CSNK2A2IP: variants seen among roughly 807,000 people sequenced by gnomAD.
CSNK2A2IP encodes the protein casein kinase II subunit alpha'-interacting protein.
At chr3:88,464,735 C>T in the CSNK2A2IP span, among the ~76,000 whole-genome samples, 3 of 151,998 alleles carry the variant, frequency 2.0e-5, no homozygotes, top group Admixed American at 2.0e-4. Context: ...AAACTTATCA[C>T]AGATTTTTGT....
the CSNK2A2IP span, among the ~76,000 whole-genome samples, chr3:88,393,174 G>C: frequency 1.3e-5 from 2 of 152,180 alleles, no homozygotes; most frequent in African/African-American, 4.8e-5. Context: ...GCAGGTAAGA[G>C]AAGGTTTGAT....
At chr3:88,431,043 A>G in the CSNK2A2IP span, 1 of 152,354 alleles carries the variant, frequency 6.6e-6, no homozygotes, top group East Asian at 1.9e-4. Context: ...GATGCATTCT[A>G]CTAAAGCAAC....
chr3:88,392,091 C>A, the CSNK2A2IP span, among the ~76,000 whole-genome samples: 1 of 152,102 alleles, frequency 6.6e-6, no homozygotes, highest in Non-Finnish European at 1.5e-5. Context: ...GAGTGAAAAC[C>A]AGGGAATAGC....
the CSNK2A2IP span, chr3:88,466,418 A>G: frequency 8.1e-7 from 1 of 1,231,986 alleles, no homozygotes; most frequent in Non-Finnish European, 1.0e-6. Context: ...AATGGCAAAC[A>G]CAGAGTCACA....
At chr3:88,395,094 T>C in the CSNK2A2IP span, among the ~76,000 whole-genome samples, 7 of 152,232 alleles carry the variant, frequency 4.6e-5, no homozygotes, top group Non-Finnish European at 1.0e-4. Flanking sequence ...CATGTGTGTT[T>C]AAGTATACAC....
At chr3:88,463,255 T>TG in the CSNK2A2IP span, among the ~76,000 whole-genome samples, 2 of 150,760 alleles carry the variant, frequency 1.3e-5, no homozygotes, top group Admixed American at 1.3e-4. Flanking sequence ...TCACTTTAGT[T>TG]TTTTTTTTTT....
the CSNK2A2IP span, among the ~76,000 whole-genome samples, chr3:88,386,162 T>C: frequency 4.6e-5 from 7 of 152,192 alleles, no homozygotes; most frequent in African/African-American, 1.7e-4. Flanking sequence ...TTCACTCTTA[T>C]TGCCCAGGCT....
chr3:88,378,371 C>T, the CSNK2A2IP span, among the ~76,000 whole-genome samples: 6 of 151,736 alleles, frequency 4.0e-5, no homozygotes, highest in Non-Finnish European at 4.4e-5. Flanking sequence ...TTTCCACTCA[C>T]GAAGACTCAA....
At chr3:88,373,907 A>G in the CSNK2A2IP span, among the ~76,000 whole-genome samples, 1 of 151,610 alleles carries the variant, frequency 6.6e-6, no homozygotes, top group Non-Finnish European at 1.5e-5. Context: ...GATAAAAATG[A>G]TTTGAGATAA....
the CSNK2A2IP span, among the ~76,000 whole-genome samples, chr3:88,365,476 A>G: frequency 3.3e-5 from 5 of 152,250 alleles, no homozygotes; most frequent in East Asian, 9.7e-4. Flanking sequence ...GTTGAGGGAC[A>G]CCTCATTTTA....
the CSNK2A2IP span, among the ~76,000 whole-genome samples, chr3:88,396,144 G>T: frequency 7.5e-6 from 1 of 133,830 alleles, no homozygotes; most frequent in Non-Finnish European, 1.5e-5. Context: ...TCTCGCTGTC[G>T]CCCAGGCTGG....
At chr3:88,382,954 T>C in the CSNK2A2IP span, 1 of 152,238 alleles carries the variant, frequency 6.6e-6, no homozygotes, top group African/African-American at 2.4e-5. Flanking sequence ...CTGGATAAGA[T>C]CTGGAAGCCA....
chr3:88,406,279 G>T, the CSNK2A2IP span, among the ~76,000 whole-genome samples: 5 of 152,092 alleles, frequency 3.3e-5, no homozygotes, highest in Non-Finnish European at 7.4e-5. Context: ...AAATAAGAAA[G>T]TTAAGGGCAG....
At chr3:88,371,884 G>C in the CSNK2A2IP span, among the ~76,000 whole-genome samples, 1 of 151,588 alleles carries the variant, frequency 6.6e-6, no homozygotes, top group African/African-American at 2.4e-5. Flanking sequence ...TAGAGGCCAG[G>C]AGGCATTAGA....
the CSNK2A2IP span, among the ~76,000 whole-genome samples, chr3:88,446,025 G>GTTTCTTTTCTTTC: frequency 6.8e-5 from 2 of 29,248 alleles, no homozygotes; most frequent in African/African-American, 2.2e-4. Flanking sequence ...TTCTTTCTTT[G>GTTTCTTTTCTTTC]TTTCTTTTCT....
chr3:88,441,992 A>G, the CSNK2A2IP span, among the ~76,000 whole-genome samples: 1 of 149,070 alleles, frequency 6.7e-6, no homozygotes. Context: ...GGGAGGTTTT[A>G]AAAAAATTTT....
chr3:88,461,791 T>C, the CSNK2A2IP span, among the ~76,000 whole-genome samples: 25 of 152,024 alleles, frequency 1.6e-4, no homozygotes, highest in Non-Finnish European at 3.2e-4. Context: ...TATGAGACAG[T>C]GTCTAATTCT....
chr3:88,455,813 T>C, the CSNK2A2IP span, among the ~76,000 whole-genome samples: 2 of 151,956 alleles, frequency 1.3e-5, no homozygotes, highest in African/African-American at 4.8e-5. Context: ...TGTATTTTTG[T>C]AGGAGTTTTA....
chr3:88,448,033 G>T, the CSNK2A2IP span, among the ~76,000 whole-genome samples: 555 of 152,248 alleles, frequency 3.6e-3, 1 homozygote, highest in African/African-American at 0.013. Context: ...CTAAAATATT[G>T]TCTAGGGTCA....
Sources: allele counts gnomAD v4.1 joint callset (sites outside exome capture counted in the v4.1 genomes callset), GRCh38; gene constraint gnomAD v4.1.1; transcripts MANE v1.5; gene names NCBI Gene and HGNC (gene_info 2026-07-23, HGNC 2026-07-21).